The following NLK variants were observed in gnomAD, a reference collection of about 807,000 sequenced individuals.
The protein encoded by NLK is nemo like kinase, also known as serine/threonine-protein kinase NLK.
A neutral mutation model predicts 59.0 loss-of-function variants in NLK; 11 were observed. That is an observed-to-expected ratio of 0.19 (90% CI 0.12 to 0.31). NLK has a LOEUF of 0.31. Ranked by LOEUF, NLK falls within the 10% of genes least tolerant of loss-of-function variation. NLK has a pLI of 1.00. For synonymous variants in NLK, 235 were observed against 235.9 expected, an observed-to-expected ratio of 1.00 and a Z score of 0.03; for missense variants, 410 against 661.1, an observed-to-expected ratio of 0.62 and a Z score of 4.16.
At chr17:28,163,025 T>C (rs1908079313) in intron 4 of NLK, among the ~76,000 whole-genome samples, 1 of 152,206 alleles carries the variant, frequency 6.6e-6, no homozygotes, top group Non-Finnish European at 1.5e-5. Context: ...TTCTAAGATT[T>C]CACAAATATT....
At chr17:28,132,956 G>A (rs746757450) in intron 3 of NLK, among the ~76,000 whole-genome samples, 22 of 152,178 alleles carry the variant, frequency 1.4e-4, no homozygotes, top group Non-Finnish European at 2.5e-4. Flanking sequence ...TTTTGCAGAT[G>A]AAACCAGTGA....
intron 1 of NLK, among the ~76,000 whole-genome samples, chr17:28,117,506 T>C (rs1482049790): frequency 2.0e-5 from 3 of 152,224 alleles, no homozygotes; most frequent in African/African-American, 7.2e-5. Flanking sequence ...AGATCTTTGC[T>C]ATTTTTAGTT....
intron 8 of NLK, among the ~76,000 whole-genome samples, chr17:28,185,693 C>T (rs943894582): frequency 6.6e-6 from 1 of 152,154 alleles, no homozygotes; most frequent in Non-Finnish European, 1.5e-5. Flanking sequence ...GGACTACAAG[C>T]ATGCTCAGCT....
At chr17:28,130,761 A>G (rs186164417) in intron 2 of NLK, among the ~76,000 whole-genome samples, 45 of 152,326 alleles carry the variant, frequency 3.0e-4, no homozygotes, top group African/African-American at 1.1e-3. Flanking sequence ...CAAGTAAAAC[A>G]CTAATTTCTA....
At chr17:28,096,409 G>C (rs773932780) in intron 1 of NLK, among the ~76,000 whole-genome samples, 23 of 152,062 alleles carry the variant, frequency 1.5e-4, no homozygotes, top group Non-Finnish European at 2.6e-4. Context: ...GTGACTCAGT[G>C]GTATAGACTT....
Position 28,108,830 on chromosome 17 carries a change from G to T in NLK, c.459-13773G>T, listed in dbSNP as rs1007607613. Among the ~76,000 whole-genome samples, 13 of 152,060 alleles carry T rather than the reference G, an allele frequency of 8.5e-5. No individual in the cohort carries two copies. In the East Asian group the frequency reaches 2.5e-3, roughly 29 times the overall value. On this transcript the variant is annotated intron_variant, in intron 1 of 10. Coordinates refer to ENST00000407008, the MANE Select transcript of NLK (RefSeq NM_016231.5). Reference sequence around the variant, plus strand: ...AGAAGCCTTGATTCCAGCATTACCTGAGAATCTCTATTCCCCATCCCAGAC... The same window carrying T: ...AGAAGCCTTGATTCCAGCATTACCTTAGAATCTCTATTCCCCATCCCAGAC...
At chr17:28,054,002 TCTC>T (rs1320734522) in intron 1 of NLK, among the ~76,000 whole-genome samples, 1 of 152,212 alleles carries the variant, frequency 6.6e-6, no homozygotes, top group Non-Finnish European at 1.5e-5. Flanking sequence ...CCCACTTTCT[TCTC>T]CACTTCCCTC....
At chr17:28,162,895 G>C (rs1490438367) in intron 4 of NLK, among the ~76,000 whole-genome samples, 4 of 151,496 alleles carry the variant, frequency 2.6e-5, no homozygotes, top group Non-Finnish European at 5.9e-5. Context: ...CTCCTGCCTA[G>C]GTTACAGAGC....
chr17:28,045,707 G>C (rs2142729201), intron 1 of NLK, among the ~76,000 whole-genome samples: 1 of 152,206 alleles, frequency 6.6e-6, no homozygotes, highest in African/African-American at 2.4e-5. Flanking sequence ...TTTAACTGTT[G>C]TATGACCTAA....
chr17:28,129,209 C>G (rs139106237), intron 2 of NLK, among the ~76,000 whole-genome samples: 1 of 152,124 alleles, frequency 6.6e-6, no homozygotes, highest in Non-Finnish European at 1.5e-5. Flanking sequence ...AATCCCAGCA[C>G]CTTGGGAGGC....
At chr17:28,123,310 G>A (rs1355427155) in intron 2 of NLK, among the ~76,000 whole-genome samples, 1 of 152,112 alleles carries the variant, frequency 6.6e-6, no homozygotes, top group Non-Finnish European at 1.5e-5. Flanking sequence ...CATAGAAAAG[G>A]AGCATATATT....
chr17:28,178,352 G>A (rs1908765755), intron 7 of NLK, among the ~76,000 whole-genome samples: 1 of 152,130 alleles, frequency 6.6e-6, no homozygotes, highest in African/African-American at 2.4e-5. Context: ...ACTTGGTTTG[G>A]GAGTGAAAGG....
intron 5 of NLK, among the ~76,000 whole-genome samples, chr17:28,167,393 C>T (rs1050014701): frequency 2.6e-5 from 4 of 151,440 alleles, no homozygotes; most frequent in Non-Finnish European, 4.4e-5. Flanking sequence ...CACACCACCA[C>T]GCCCAGCTTT....
At chr17:28,153,974 T>C (rs1392700232) in intron 3 of NLK, among the ~76,000 whole-genome samples, 1 of 152,198 alleles carries the variant, frequency 6.6e-6, no homozygotes, top group Admixed American at 6.5e-5. Flanking sequence ...CCTTTTTTTT[T>C]CTGTCTCTCA....
chr17:28,077,455 C>G (rs1351131736), intron 1 of NLK, among the ~76,000 whole-genome samples: 1 of 152,060 alleles, frequency 6.6e-6, no homozygotes, highest in African/African-American at 2.4e-5. Context: ...CCGGGTCCCT[C>G]CCACAACATG....
intron 3 of NLK, among the ~76,000 whole-genome samples, chr17:28,149,187 C>A (rs971302405): frequency 6.6e-6 from 1 of 152,142 alleles, no homozygotes; most frequent in African/African-American, 2.4e-5. Flanking sequence ...ACTTTAGGCA[C>A]AAGTAGCTGG....
chr17:28,184,308 T>C (rs1385729423), intron 7 of NLK, among the ~76,000 whole-genome samples: 2 of 152,252 alleles, frequency 1.3e-5, no homozygotes, highest in East Asian at 3.8e-4. Flanking sequence ...GTTTACATGC[T>C]TTGCATGTGG....
intron 1 of NLK, among the ~76,000 whole-genome samples, chr17:28,110,905 CG>C (rs1189089559): frequency 5.3e-5 from 8 of 151,102 alleles, no homozygotes; most frequent in Non-Finnish European, 8.9e-5. Flanking sequence ...AGTGCAGTGG[CG>C]GGATCTCGGC....
the NLK span, among the ~76,000 whole-genome samples, chr17:28,205,147 T>C: frequency 6.6e-6 from 1 of 152,254 alleles, no homozygotes; most frequent in African/African-American, 2.4e-5. Flanking sequence ...TTGACCTTTC[T>C]GTGTGTCAGT....
Sources: allele counts gnomAD v4.1 joint callset (sites outside exome capture counted in the v4.1 genomes callset), GRCh38; gene constraint gnomAD v4.1.1; transcripts MANE v1.5; gene names NCBI Gene and HGNC (gene_info 2026-07-23, HGNC 2026-07-21).